Variants in ARHGAP28 observed in about 807,000 individuals in gnomAD.
The protein encoded by ARHGAP28 is rho GTPase-activating protein 28.
In ARHGAP28, 56 loss-of-function variants were observed where a neutral mutation model predicts 90.7. That is an observed-to-expected ratio of 0.62 (90% confidence interval 0.50 to 0.77). The LOEUF is 0.77. Ranked by LOEUF, ARHGAP28 falls within the 30% of genes least tolerant of loss-of-function variation. The probability of loss-of-function intolerance (pLI) is 0.00; values close to 1 mark genes in which losing one functional copy is unlikely to be tolerated. For synonymous variants in ARHGAP28, 308 were observed against 323.3 expected (o/e 0.95, Z 0.51); for missense variants, 869 against 900.9 (o/e 0.96, Z 0.45).
At chr18:6,839,454 T>C (rs34641178) in intron 3 of ARHGAP28, among the ~76,000 whole-genome samples, 3,063 of 152,170 alleles carry the variant, frequency 0.02, 51 homozygotes, top group Non-Finnish European at 0.027. Flanking sequence ...CCACCACGCC[T>C]GGCTAATTTT....
intron 4 of ARHGAP28, among the ~76,000 whole-genome samples, chr18:6,853,536 G>C (rs2056927169): frequency 1.3e-5 from 2 of 150,876 alleles, no homozygotes; most frequent in African/African-American, 4.9e-5. Flanking sequence ...GCAATGACGT[G>C]ATCTCGGCTA....
At chr18:6,909,295 CTTTTCTT>C (rs750833811) in intron 17 of ARHGAP28, among the ~76,000 whole-genome samples, 1 of 52,384 alleles carries the variant, frequency 1.9e-5, no homozygotes, top group African/African-American at 5.1e-5. Context: ...CTTTTCTTTT[CTTTTCTT>C]TTTTTTTTGA....
rs368154230 is a variant in ARHGAP28, at chr18:6,743,987, C to G, written c.122+14044C>G. Among the ~76,000 whole-genome samples the G allele has an allele frequency of 5.9e-5, 9 of 152,152 alleles. 2 individuals are homozygous for G. Among genetic ancestry groups the G allele is most frequent in the East Asian group, 3.9e-4 (2 of 5,172 alleles). ...TCTGTATCCTTAGCATTTTAGCCTA[C>G]TGGCCCAGAATTGACACTCAGTATG... On this transcript the variant is annotated intron_variant, in intron 1 of 17. Transcript: ENST00000383472.
In ARHGAP28 at chr18:6,890,534, C is replaced by G. The variant is rs778345367; in HGVS notation, c.1839C>G (p.Leu613=). The G allele has an allele frequency of 1.1e-5, 17 of 1,607,270 alleles. 1 individual carries two copies. In the Admixed American group the frequency reaches 2.6e-4, roughly 24 times the overall value. ...GGAAGCTGCTCAGGAGGAAGACCCTCGAGCGGGAGGTAAGACAGCAAATGA... is the reference window on the plus strand; with the variant it reads ...GGAAGCTGCTCAGGAGGAAGACCCTGGAGCGGGAGGTAAGACAGCAAATGA... ...SVRKLLRRKT[L]ERETASPKTS... Residue 613 remains leucine, a synonymous_variant, in exon 14 of 18, where the codon CTC becomes CTG. Transcript: ENST00000383472.
At chr18:6,815,927 A>G (rs539310707) in intron 1 of ARHGAP28, among the ~76,000 whole-genome samples, 2 of 151,940 alleles carry the variant, frequency 1.3e-5, no homozygotes, top group South Asian at 4.1e-4. Flanking sequence ...TTAAAGAAAG[A>G]ATCCAACCCT....
At chr18:6,755,800 G>A (rs192465325) in intron 1 of ARHGAP28, among the ~76,000 whole-genome samples, 12 of 152,254 alleles carry the variant, frequency 7.9e-5, no homozygotes, top group Middle Eastern at 3.4e-3. Context: ...TATCATTGCT[G>A]ACCAGCATTT....
intron 3 of ARHGAP28, among the ~76,000 whole-genome samples, chr18:6,844,677 G>A (rs538481632): frequency 6.6e-6 from 1 of 152,006 alleles, no homozygotes; most frequent in South Asian, 2.1e-4. Context: ...TGTGACTCTG[G>A]ATAAAGAGGA....
At chr18:6,830,936 T>TA (rs2056710353) in intron 2 of ARHGAP28, among the ~76,000 whole-genome samples, 1 of 152,212 alleles carries the variant, frequency 6.6e-6, no homozygotes, top group Non-Finnish European at 1.5e-5. Flanking sequence ...TTTGTATAGA[T>TA]ATGTTTTTAT....
At chr18:6,804,454 T>C (rs1484636844) in intron 1 of ARHGAP28, among the ~76,000 whole-genome samples, 1 of 152,182 alleles carries the variant, frequency 6.6e-6, no homozygotes, top group Non-Finnish European at 1.5e-5. Flanking sequence ...CTGGTACTTG[T>C]TATTTCTAAT....
chr18:6,869,322 A>C (rs535637032), intron 6 of ARHGAP28, among the ~76,000 whole-genome samples: 1 of 135,630 alleles, frequency 7.4e-6, no homozygotes, highest in Admixed American at 8.9e-5. Flanking sequence ...GTGCAGTAGC[A>C]CGATCTCAGC....
At position 6,887,247 on chromosome 18, in the gene ARHGAP28, G is replaced by T; in HGVS notation, c.1536+8G>T. 6.2e-7 allele frequency: 1 copy of T among 1,613,234 alleles called. No homozygotes were observed. Among genetic ancestry groups the T allele is most frequent in the Non-Finnish European group, 8.5e-7 (1 of 1,179,434 alleles). ...AACAGAGATGCAGCTCAGGTACGTC[G>T]TGTCCACCTCACAGCTTGTCCTGGG... On this transcript the variant is annotated splice_region_variant and intron_variant, in intron 12 of 17. Coordinates refer to ENST00000383472, the MANE Select transcript of ARHGAP28 (RefSeq NM_001366230.1).
intron 2 of ARHGAP28, among the ~76,000 whole-genome samples, chr18:6,835,618 C>T (rs1156937448): frequency 6.6e-6 from 1 of 152,150 alleles, no homozygotes; most frequent in Non-Finnish European, 1.5e-5. Flanking sequence ...TTAAACAACC[C>T]TCACTTGGGT....
At position 6,729,960 on chromosome 18, in the gene ARHGAP28, C is replaced by G; in HGVS notation, c.122+17C>G. On this transcript the variant is annotated intron_variant, in intron 1 of 17. Transcript: ENST00000383472. ...GCTCAGCAGGTACCCGGAGCCGCTC[C>G]CACCAGGGCGGCGCAGTCGCGCTGG... The G allele has an allele frequency of 7.5e-7, 1 of 1,334,940 alleles. No homozygotes were observed. Among genetic ancestry groups the G allele is most frequent in the Non-Finnish European group, 9.6e-7 (1 of 1,047,096 alleles). The allele number at this position is 1,334,940 out of a possible 1,614,324, so 82.7% of individuals were successfully genotyped here.
In ARHGAP28 at chr18:6,870,572, T is replaced by C. The variant is rs1451421926; in HGVS notation, c.812-18T>C. 1.3e-6 allele frequency: 2 copies of C among 1,594,790 alleles called. No homozygotes were observed. The highest frequency in any genetic ancestry group is 1.4e-5 in the African/African-American group (1 of 73,868). On this transcript the variant is annotated intron_variant, in intron 6 of 17. Transcript: ENST00000383472. ...AAATAGCATATTAAATAGTCTGTAT[T>C]CTTTGTTTTGTCTTTAGATGATGAT...
At position 6,781,021 on chromosome 18, in the gene ARHGAP28, A is replaced by G. The variant is rs368721280; in HGVS notation, c.123-43741A>G. Among the ~76,000 whole-genome samples the G allele has an allele frequency of 4.0e-4, 61 of 152,370 alleles. 1 individual carries two copies. The highest frequency in any genetic ancestry group is 1.1e-3 in the African/African-American group (47 of 41,592). On this transcript the variant is annotated intron_variant, in intron 1 of 17. Coordinates refer to ENST00000383472, the MANE Select transcript of ARHGAP28 (RefSeq NM_001366230.1). ...CTCTGAGCCCCCACTTCTGACGGAC[A>G]GCAGAAAAGCTCCATCTAGTCACAG...
intron 1 of ARHGAP28, among the ~76,000 whole-genome samples, chr18:6,816,228 A>G (rs2056589557): frequency 5.9e-5 from 9 of 152,192 alleles, no homozygotes. Context: ...GTCTGAAACT[A>G]TGGCTTCTTT....
intron 17 of ARHGAP28, among the ~76,000 whole-genome samples, chr18:6,910,235 C>G (rs1461485276): frequency 1.3e-5 from 2 of 152,144 alleles, no homozygotes; most frequent in African/African-American, 4.8e-5. Context: ...GACTGTCTTC[C>G]CACTTTTCCT....
rs573225366 is a variant in ARHGAP28, at chr18:6,833,950, A to G, written c.326-3247A>G. 3.1e-4 allele frequency among the ~76,000 whole-genome samples: 47 copies of G among 152,232 alleles called. 1 individual carries two copies. In the South Asian group the frequency reaches 7.9e-3, roughly 26 times the overall value. ...TCTGGGAGTCAGTTAGGGAATATAT[A>G]TGGAGACTCTAAGCATCCCATTTAA... On this transcript the variant is annotated intron_variant, in intron 2 of 17. Coordinates refer to ENST00000383472, the MANE Select transcript of ARHGAP28 (RefSeq NM_001366230.1).
chr18:6,751,191 G>A (rs2056066229), intron 1 of ARHGAP28, among the ~76,000 whole-genome samples: 1 of 152,062 alleles, frequency 6.6e-6, no homozygotes, highest in Non-Finnish European at 1.5e-5. Flanking sequence ...AAATTTTTCA[G>A]AGAAGACAAT....
Sources: gnomAD v4.1 joint callset for allele counts (sites outside exome capture counted in the v4.1 genomes callset) on GRCh38, gnomAD v4.1.1 for gene constraint, MANE v1.5 for transcripts, NCBI Gene and HGNC (gene_info 2026-07-23, HGNC 2026-07-21) for gene names.